Variants in LUZP2 observed in about 807,000 individuals in gnomAD.
LUZP2 encodes leucine zipper protein 2.
LUZP2 carries 52 observed loss-of-function variants against 51.6 expected under a neutral mutation model. The ratio of observed to expected loss-of-function variants is 1.01; its 90% CI spans 0.81 to 1.27. LUZP2 has a LOEUF of 1.27. Among genes scored for constraint, LUZP2 ranks in the 50% most tolerant of loss-of-function variants. The pLI is 0.00. For missense variants in LUZP2, 436 were observed against 395.4 expected (o/e 1.10, Z -0.87); for synonymous variants, 154 against 137.3 (o/e 1.12, Z -0.85).
At chr11:24,882,773 A>C (rs1413852589) in intron 5 of LUZP2, among the ~76,000 whole-genome samples, 2 of 109,394 alleles carry the variant, frequency 1.8e-5, no homozygotes, top group African/African-American at 6.0e-5. Flanking sequence ...TTTTAGTGCA[A>C]CGGGAGAAGG....
intron 6 of LUZP2, among the ~76,000 whole-genome samples, chr11:24,908,891 G>T (rs1312544870): frequency 1.3e-5 from 2 of 151,534 alleles, no homozygotes; most frequent in Non-Finnish European, 2.9e-5. Flanking sequence ...GAGTAGCTGG[G>T]ACTATCGGAC....
chr11:24,962,347 T>A (rs916410605), intron 7 of LUZP2, among the ~76,000 whole-genome samples: 1 of 152,228 alleles, frequency 6.6e-6, no homozygotes, highest in Non-Finnish European at 1.5e-5. Context: ...CTGGATAATA[T>A]CCTGCAGAGT....
chr11:24,705,634 G>A (rs906382837), intron 1 of LUZP2, among the ~76,000 whole-genome samples: 2 of 152,152 alleles, frequency 1.3e-5, no homozygotes, highest in Admixed American at 6.5e-5. Context: ...GAAAGTTGGG[G>A]ACAGAAGCTG....
chr11:24,585,942 C>T (rs1481506125), intron 1 of LUZP2, among the ~76,000 whole-genome samples: 1 of 152,064 alleles, frequency 6.6e-6, no homozygotes, highest in African/African-American at 2.4e-5. Flanking sequence ...GAGAAATGAA[C>T]CACAAGGAAT....
intron 1 of LUZP2, among the ~76,000 whole-genome samples, chr11:24,665,610 C>G (rs552241042): frequency 6.6e-6 from 1 of 152,168 alleles, no homozygotes; most frequent in African/African-American, 2.4e-5. Flanking sequence ...GGGGCATTTC[C>G]CCCCATGCTA....
chr11:25,044,394 GTTAA>G (rs988494605), intron 9 of LUZP2, among the ~76,000 whole-genome samples: 2 of 150,960 alleles, frequency 1.3e-5, no homozygotes, highest in South Asian at 2.1e-4. Context: ...TCATTCTGGT[GTTAA>G]TTAATCAGTT....
At chr11:25,060,137 G>C (rs565338350) in intron 10 of LUZP2, among the ~76,000 whole-genome samples, 1 of 152,158 alleles carries the variant, frequency 6.6e-6, no homozygotes, top group East Asian at 1.9e-4. Context: ...AATGAATGAA[G>C]GTAAAAAGAA....
At chr11:24,951,798 G>C (rs898646051) in intron 7 of LUZP2, among the ~76,000 whole-genome samples, 1 of 151,516 alleles carries the variant, frequency 6.6e-6, no homozygotes, top group African/African-American at 2.4e-5. Flanking sequence ...GTATGTCAAA[G>C]TTGAAAACCC....
At chr11:24,703,861 C>T (rs368933725) in intron 1 of LUZP2, among the ~76,000 whole-genome samples, 14 of 45,210 alleles carry the variant, frequency 3.1e-4, no homozygotes, top group South Asian at 1.7e-3. Context: ...ACAAAAAAAA[C>T]GAACAAAAAA....
intron 4 of LUZP2, among the ~76,000 whole-genome samples, chr11:24,751,763 G>C (rs1037676461): frequency 6.7e-6 from 1 of 148,402 alleles, no homozygotes; most frequent in East Asian, 2.0e-4. Context: ...TTTGAGTACA[G>C]AGCTACTAAA....
intron 10 of LUZP2, among the ~76,000 whole-genome samples, 163 bp downstream of exon 10, chr11:25,050,293 T>C (rs1198558809): frequency 2.5e-5 from 2 of 78,472 alleles, no homozygotes; most frequent in Admixed American, 1.3e-4. Flanking sequence ...TTTATGTTCT[T>C]TTTTTTTTTT....
At chr11:24,530,762 C>CTTTTTTTTTTTTTTTTTTTTTT (rs367857815) in intron 1 of LUZP2, among the ~76,000 whole-genome samples, 1 of 75,370 alleles carries the variant, frequency 1.3e-5, no homozygotes, top group Admixed American at 1.6e-4. Context: ...CTTCTTCTTA[C>CTTTTTTTTTTTTTTTTTTTTTT]TTTTTTTTTT....
At chr11:24,607,050 CTT>C (rs1853945141) in intron 1 of LUZP2, among the ~76,000 whole-genome samples, 1 of 151,830 alleles carries the variant, frequency 6.6e-6, no homozygotes, top group Admixed American at 6.6e-5. Context: ...ATGTTAATCT[CTT>C]ATCAGTTAAA....
rs1329973461 is a variant in LUZP2, at chr11:24,727,141, A to T, written c.63-2028A>T. ...CAATGTTGTATATTATAAAAGGGAA[A>T]TGTTATTTGTAATTTAATTAAAAAT... On this transcript the variant is annotated intron_variant, in intron 1 of 11. Coordinates refer to ENST00000336930, the MANE Select transcript of LUZP2 (RefSeq NM_001009909.4). Among the ~76,000 whole-genome samples, 3 of 152,114 alleles carry T rather than the reference A, an allele frequency of 2.0e-5. No individual in the cohort carries two copies. In the East Asian group the frequency reaches 5.8e-4, roughly 29 times the overall value.
intron 1 of LUZP2, among the ~76,000 whole-genome samples, chr11:24,677,770 C>G (rs866914357): frequency 6.6e-6 from 1 of 151,974 alleles, no homozygotes; most frequent in African/African-American, 2.4e-5. Flanking sequence ...AGAGAGAGGG[C>G]GGGGTGTGGT....
At chr11:24,738,532 A>G (rs1859024370) in intron 4 of LUZP2, among the ~76,000 whole-genome samples, 1 of 152,084 alleles carries the variant, frequency 6.6e-6, no homozygotes, top group Non-Finnish European at 1.5e-5. Context: ...CCTACTTTAA[A>G]GAATGAGAAA....
chr11:24,625,106 A>T (rs1373492076), intron 1 of LUZP2, among the ~76,000 whole-genome samples: 2 of 152,158 alleles, frequency 1.3e-5, no homozygotes, highest in Non-Finnish European at 2.9e-5. Context: ...AATACTGCAT[A>T]ACCTCACTTA....
At position 24,712,808 on chromosome 11, in the gene LUZP2, T is replaced by C. The variant is rs113090884; in HGVS notation, c.63-16361T>C. Among the ~76,000 whole-genome samples, 685 of 152,342 alleles carry C rather than the reference T, an allele frequency of 4.5e-3. 5 individuals carry two copies. The highest frequency in any genetic ancestry group is 0.016 in the African/African-American group (657 of 41,578). Reference sequence around the variant, plus strand: ...CATAATTTATTCAGACCTCTTATTTTCTTTCCAAATATTTTTATCTATGAT... The same window carrying C: ...CATAATTTATTCAGACCTCTTATTTCCTTTCCAAATATTTTTATCTATGAT... On this transcript the variant is annotated intron_variant, in intron 1 of 11. Transcript: ENST00000336930.
intron 5 of LUZP2, among the ~76,000 whole-genome samples, chr11:24,849,378 G>T (rs141041611): frequency 1.3e-5 from 2 of 152,210 alleles, no homozygotes; most frequent in African/African-American, 4.8e-5. Flanking sequence ...AAAACATGTG[G>T]TGTTTGGTTT....
Sources: gnomAD v4.1 joint callset for allele counts (sites outside exome capture counted in the v4.1 genomes callset) on GRCh38, gnomAD v4.1.1 for gene constraint, MANE v1.5 for transcripts, NCBI Gene and HGNC (gene_info 2026-07-23, HGNC 2026-07-21) for gene names.